Variants in UTRN observed in about 807,000 individuals in gnomAD.
UTRN encodes utrophin.
A neutral mutation model predicts 463.9 loss-of-function variants in UTRN; 283 were observed. The observed-to-expected ratio is 0.61, with a 90% confidence interval of 0.55 to 0.67. The LOEUF (loss-of-function observed/expected upper bound fraction) is 0.67, where lower values mean the gene tolerates loss of function less well. UTRN is among the 30% of genes least tolerant of loss of function. The probability of loss-of-function intolerance (pLI) is 0.00; values close to 1 mark genes in which losing one functional copy is unlikely to be tolerated. For missense variants in UTRN, 3,922 were observed against 4,084.3 expected, an observed-to-expected ratio of 0.96 and a Z score of 1.08; for synonymous variants, 1,442 against 1,431.5, an observed-to-expected ratio of 1.01 and a Z score of -0.17.
rs1042899076 is a variant in UTRN, at chr6:144,514,933, T to C, written c.5244+113T>C. 54 of 1,166,746 alleles carry C rather than the reference T, an allele frequency of 4.6e-5. No homozygotes were observed. The African/African-American group carries it at 8.2e-4, about 18-fold the overall frequency. 72.3% of individuals were successfully genotyped at this position (1,166,746 alleles called of 1,614,324 possible). ...GTTTTATTATTTTAATTTTATTGTT[T>C]TCTCTCTCTGTCACCGAGGCTGGAG... On this transcript the variant is annotated intron_variant, in intron 37 of 74. Transcript: ENST00000367545.
At chr6:144,309,881 A>C (rs551260524) in intron 2 of UTRN, among the ~76,000 whole-genome samples, 8 of 152,336 alleles carry the variant, frequency 5.3e-5, no homozygotes, top group African/African-American at 1.9e-4. Context: ...TCATTATATG[A>C]GGCAGGCACC....
At chr6:144,578,198 G>C (rs1051803643) in intron 51 of UTRN, among the ~76,000 whole-genome samples, 1 of 152,130 alleles carries the variant, frequency 6.6e-6, no homozygotes, top group African/African-American at 2.4e-5. Flanking sequence ...ACGAGACTCT[G>C]TCCACTCCCA....
At chr6:144,830,778 T>C (rs1780611022) in intron 69 of UTRN, among the ~76,000 whole-genome samples, 1 of 152,112 alleles carries the variant, frequency 6.6e-6, no homozygotes, top group Non-Finnish European at 1.5e-5. Flanking sequence ...TGTTAGTGTA[T>C]TTAATGTGTG....
chr6:144,695,280 G>T (rs1302987091), intron 52 of UTRN, among the ~76,000 whole-genome samples: 1 of 151,892 alleles, frequency 6.6e-6, no homozygotes, highest in Non-Finnish European at 1.5e-5. Context: ...AATAATATGT[G>T]GCTCAATACC....
intron 37 of UTRN, among the ~76,000 whole-genome samples, chr6:144,515,820 CT>C (rs530644238): frequency 5.3e-5 from 8 of 152,206 alleles, no homozygotes; most frequent in Non-Finnish European, 1.2e-4. Context: ...GGGAATTCTA[CT>C]GAGGAAACTT....
At chr6:144,397,238 C>A (rs892309499) in intron 2 of UTRN, among the ~76,000 whole-genome samples, 7 of 150,998 alleles carry the variant, frequency 4.6e-5, no homozygotes, top group Non-Finnish European at 5.9e-5. Flanking sequence ...GAGCGAAACT[C>A]GGTCTTAAAA....
chr6:144,842,496 T>C (rs1160536112), intron 73 of UTRN, among the ~76,000 whole-genome samples: 2 of 151,330 alleles, frequency 1.3e-5, no homozygotes, highest in African/African-American at 2.4e-5. Context: ...GGCTGAGGCA[T>C]GAGAATCGCT....
intron 65 of UTRN, among the ~76,000 whole-genome samples, chr6:144,819,430 C>A (rs1282861186): frequency 6.6e-6 from 1 of 152,000 alleles, no homozygotes; most frequent in Non-Finnish European, 1.5e-5. Context: ...TGCAGTGGCT[C>A]ACACCTGTAA....
In UTRN at chr6:144,533,260, G is replaced by C; in HGVS notation, c.6233G>C (p.Arg2078Thr). The C allele has an allele frequency of 6.2e-7, 1 of 1,613,822 alleles. No individual in the cohort carries two copies. The highest frequency in any genetic ancestry group is 8.5e-7 in the Non-Finnish European group (1 of 1,179,834). ...GCAGAAGTGAAGGATAGGCAGCCAA[G>C]GTGATTTAGCTATGATTGTTTGCAG... The part of the protein sequence containing the change: ...IVAEVKDRQP[R>T]LKGESKQVMK... Residue 2078 changes from arginine (R) to threonine (T), a missense_variant and splice_region_variant, in exon 43 of 75, where the codon AGG becomes ACG. Transcript: ENST00000367545.
Position 144,754,921 on chromosome 6 carries a change from G to A in UTRN, c.8434+123G>A, listed in dbSNP as rs997635577. 4 of 852,558 alleles carry A rather than the reference G, an allele frequency of 4.7e-6. No individual in the cohort carries two copies. The African/African-American group carries it at 5.2e-5, about 11-fold the overall frequency. 52.8% of individuals were successfully genotyped at this position (852,558 alleles called of 1,614,324 possible). A position where few individuals can be genotyped will look rare whatever the true frequency, so the allele number is the denominator to read the frequency against. On this transcript the variant is annotated intron_variant, in intron 57 of 74. Coordinates refer to ENST00000367545, the MANE Select transcript of UTRN (RefSeq NM_007124.3). ...TTATTTAGATAGATCCTTGTAAGGA[G>A]GTACTAACATCAAAGAAAATATTGC...
intron 69 of UTRN, among the ~76,000 whole-genome samples, chr6:144,831,927 C>T (rs756100199): frequency 5.3e-5 from 8 of 152,062 alleles, no homozygotes; most frequent in Non-Finnish European, 1.2e-4. Flanking sequence ...TTATTTATGT[C>T]TTGTCTACTT....
At chr6:144,652,646 G>A (rs1002020539) in intron 51 of UTRN, among the ~76,000 whole-genome samples, 2 of 152,172 alleles carry the variant, frequency 1.3e-5, no homozygotes, top group Non-Finnish European at 2.9e-5. Flanking sequence ...GATGACAATA[G>A]GGATACTCGT....
intron 2 of UTRN, among the ~76,000 whole-genome samples, chr6:144,380,062 A>G (rs1045076815): frequency 6.6e-6 from 1 of 152,248 alleles, no homozygotes; most frequent in African/African-American, 2.4e-5. Flanking sequence ...GAATGAATAA[A>G]TAAATGTCAT....
chr6:144,416,395 G>A (rs1309525625), intron 3 of UTRN, among the ~76,000 whole-genome samples: 3 of 152,184 alleles, frequency 2.0e-5, no homozygotes, highest in Non-Finnish European at 4.4e-5. Flanking sequence ...TGCCACTTGA[G>A]CCTGCAGAGC....
At chr6:144,328,815 A>G (rs9496932) in intron 2 of UTRN, among the ~76,000 whole-genome samples, 23,667 of 151,462 alleles carry the variant, frequency 0.16, 5,617 homozygotes, top group African/African-American at 0.51. Flanking sequence ...ACAAAGTCTC[A>G]CTCTGTTGCC....
intron 51 of UTRN, among the ~76,000 whole-genome samples, chr6:144,586,834 C>T (rs976325130): frequency 1.7e-4 from 26 of 152,036 alleles, no homozygotes; most frequent in African/African-American, 3.4e-4. Context: ...TTGACTCCTT[C>T]GTGACTCAAG....
intron 3 of UTRN, among the ~76,000 whole-genome samples, chr6:144,410,398 G>A (rs558744314): frequency 6.6e-6 from 1 of 152,238 alleles, no homozygotes; most frequent in African/African-American, 2.4e-5. Flanking sequence ...AAGAGTCAGA[G>A]CTTTTTATTT....
intron 47 of UTRN, 134 bp downstream of exon 47, chr6:144,548,988 C>G: frequency 1.2e-6 from 1 of 842,696 alleles, no homozygotes; most frequent in African/African-American, 1.7e-5. Context: ...GTCAAACAAC[C>G]ATTCAGGGCT....
chr6:144,565,085 C>A (rs1800284280), intron 50 of UTRN, among the ~76,000 whole-genome samples: 1 of 152,048 alleles, frequency 6.6e-6, no homozygotes, highest in Non-Finnish European at 1.5e-5. Flanking sequence ...CTACTGTATG[C>A]CAGCAATGAT....
Sources: gnomAD v4.1 joint callset for allele counts (sites outside exome capture counted in the v4.1 genomes callset) on GRCh38, gnomAD v4.1.1 for gene constraint, MANE v1.5 for transcripts, NCBI Gene and HGNC (gene_info 2026-07-23, HGNC 2026-07-21) for gene names.